The following ABCG8 variants were observed in gnomAD, a reference collection of about 807,000 sequenced individuals.
ABCG8 encodes the protein ATP binding cassette subfamily G member 8.
ABCG8 carries 81 observed loss-of-function variants against 71.3 expected under a neutral mutation model. The ratio of observed to expected loss-of-function variants is 1.14; its 90% CI spans 0.95 to 1.37. The LOEUF is 1.37. Among genes scored for constraint, ABCG8 ranks in the 40% most tolerant of loss-of-function variants. The pLI is 0.00. For synonymous variants in ABCG8, 451 were observed against 354.7 expected, an observed-to-expected ratio of 1.27 and a Z score of -3.05; for missense variants, 1,119 against 866.2, an observed-to-expected ratio of 1.29 and a Z score of -3.66.
chr2:43,865,767 A>G (rs1220382055), intron 6 of ABCG8, among the ~76,000 whole-genome samples: 3 of 151,948 alleles, frequency 2.0e-5, no homozygotes, highest in Admixed American at 6.6e-5. Context: ...AAGTCTCACT[A>G]TCAGTCTGGA....
At position 43,862,338 on chromosome 2, in the gene ABCG8, A is replaced by C. The variant is rs752686216; in HGVS notation, c.964+9470A>C. On this transcript the variant is annotated intron_variant, in intron 6 of 12. Transcript: ENST00000272286. ...TATCTATCTGGATAGAATTCTCACAATCTGGATAGAAGTCTTACTGTGTAT... is the reference window on the plus strand; with the variant it reads ...TATCTATCTGGATAGAATTCTCACACTCTGGATAGAAGTCTTACTGTGTAT... 4.1e-3 allele frequency among the ~76,000 whole-genome samples: 565 copies of C among 137,330 alleles called. 2 individuals are homozygous for C. Among genetic ancestry groups the C allele is most frequent in the South Asian group, 0.012 (48 of 4,092 alleles). 90.1% of individuals were successfully genotyped at this position (137,330 alleles called of 152,430 possible).
intron 11 of ABCG8, among the ~76,000 whole-genome samples, chr2:43,876,382 AAGAG>A (rs756671972): frequency 2.6e-5 from 4 of 152,140 alleles, no homozygotes; most frequent in Non-Finnish European, 5.9e-5. Context: ...TTGTGCAGGT[AAGAG>A]AGACTGTGTG....
chr2:43,857,776 C>G (rs1212541350), intron 6 of ABCG8, among the ~76,000 whole-genome samples: 15 of 151,322 alleles, frequency 9.9e-5, no homozygotes, highest in Admixed American at 8.5e-4. Flanking sequence ...AACTATCTAT[C>G]TGGATATAAT....
chr2:43,853,750 G>A (rs528795460), intron 6 of ABCG8, among the ~76,000 whole-genome samples: 1 of 152,330 alleles, frequency 6.6e-6, no homozygotes, highest in Admixed American at 6.5e-5. Context: ...CCTGGAGCTT[G>A]CAGAGCTAAA....
Position 43,839,000 on chromosome 2 carries a change from G to A in ABCG8, c.-54G>A. The A allele has an allele frequency of 2.6e-6, 4 of 1,528,078 alleles. 1 individual carries two copies. The South Asian group carries it at 3.6e-5, about 14-fold the overall frequency. The allele number at this position is 1,528,078 out of a possible 1,614,324, so 94.7% of individuals were successfully genotyped here. A position where few individuals can be genotyped will look rare whatever the true frequency, so the allele number is the denominator to read the frequency against. On this transcript the variant is annotated 5_prime_UTR_variant, in exon 1 of 13. Transcript: ENST00000272286. This position sits in a 1 kb window ranked among gnomAD's most constrained non-coding sequence, Gnocchi z 4.2. ...AGAGTGAAGACACTGGCCCTGGCAG[G>A]CAGCAGCTGGGTCTAAGAGAGCTGC...
At chr2:43,868,013 C>T (rs1229920020) in intron 6 of ABCG8, among the ~76,000 whole-genome samples, 1 of 152,100 alleles carries the variant, frequency 6.6e-6, no homozygotes, top group African/African-American at 2.4e-5. Flanking sequence ...ATAGAACTCT[C>T]ACTATCAATC....
chr2:43,843,619 AC>A (rs1461168947), intron 1 of ABCG8, among the ~76,000 whole-genome samples: 1 of 152,046 alleles, frequency 6.6e-6, no homozygotes, highest in Non-Finnish European at 1.5e-5. Context: ...ATGTCACTGC[AC>A]TCCATCCTGG....
rs201268110 is a variant in ABCG8 at position 43,872,316 on chromosome 2, T to G, written c.1211+10T>G. On this transcript the variant is annotated intron_variant, in intron 8 of 12. Coordinates refer to ENST00000272286, the MANE Select transcript of ABCG8 (RefSeq NM_022437.3). ...TTACGACGCTGATCCGGTAATTATCTGTCATTTTATTACTGAACCCGCCCC... is the reference window on the plus strand; with the variant it reads ...TTACGACGCTGATCCGGTAATTATCGGTCATTTTATTACTGAACCCGCCCC... 6.2e-7 allele frequency: 1 copy of G among 1,612,520 alleles called. No homozygotes were observed. The highest frequency in any genetic ancestry group is 8.5e-7 in the Non-Finnish European group (1 of 1,179,396).
Position 43,846,286 on chromosome 2 carries a change from G to T in ABCG8, c.297G>T (p.Gln99His), listed in dbSNP as rs1468513643. Residue 99 changes from glutamine (Q) to histidine (H), a missense_variant, in exon 3 of 13, where the codon CAG becomes CAT. Gln to His is a conservative substitution (Grantham distance 24, BLOSUM62 0). Coordinates refer to ENST00000272286, the MANE Select transcript of ABCG8 (RefSeq NM_022437.3). ...TAAGCTTCAAAGTGAGAAGTGGGCA[G>T]ATGCTGGCCATCATAGGGAGCTCAG... ...QNLSFKVRSG[Q>H]MLAIIGSSGC... 3 of 1,614,236 alleles carry T rather than the reference G, an allele frequency of 1.9e-6. No homozygotes were observed. In the East Asian group the frequency reaches 6.7e-5, roughly 36 times the overall value.
At chr2:43,867,624 T>C (rs1669577292) in intron 6 of ABCG8, among the ~76,000 whole-genome samples, 1 of 152,106 alleles carries the variant, frequency 6.6e-6, no homozygotes, top group Non-Finnish European at 1.5e-5. Context: ...AATCTCTGCA[T>C]AGAACTCTCA....
In ABCG8 at chr2:43,881,389, C is replaced by T. The variant is rs931732443; in HGVS notation, c.*3476C>T. ...GGTCTGTTTTGTTTAAAATGCTCTT[C>T]AAGGCATTGTGAGGCCAGGAAAACA... On this transcript the variant is annotated 3_prime_UTR_variant, in exon 13 of 13. Coordinates refer to ENST00000272286, the MANE Select transcript of ABCG8 (RefSeq NM_022437.3). The T allele has an allele frequency of 6.6e-6, 1 of 152,202 alleles. No individual in the cohort carries two copies. Among genetic ancestry groups the T allele is most frequent in the African/African-American group, 2.4e-5 (1 of 41,438 alleles). 9.4% of individuals were successfully genotyped at this position (152,202 alleles called of 1,614,324 possible).
chr2:43,869,857 C>T (rs1418643226), intron 6 of ABCG8, among the ~76,000 whole-genome samples: 2 of 152,072 alleles, frequency 1.3e-5, no homozygotes, highest in Non-Finnish European at 2.9e-5. Context: ...ATGGAACTCT[C>T]ACTATCTATG....
chr2:43,844,894 T>G (rs1668695429), intron 2 of ABCG8, among the ~76,000 whole-genome samples: 1 of 152,158 alleles, frequency 6.6e-6, no homozygotes, highest in Admixed American at 6.5e-5. Context: ...TAAACTATAT[T>G]TTGAAATAAC....
chr2:43,856,568 C>G (rs146668138), intron 6 of ABCG8, among the ~76,000 whole-genome samples: 1 of 151,890 alleles, frequency 6.6e-6, no homozygotes, highest in Non-Finnish European at 1.5e-5. Flanking sequence ...AGAACTCTCC[C>G]CATGTAGATA....
chr2:43,876,846 GATC>G (rs1449903250), intron 11 of ABCG8, among the ~76,000 whole-genome samples: 1 of 146,670 alleles, frequency 6.8e-6, no homozygotes, highest in Non-Finnish European at 1.5e-5. Flanking sequence ...ATATAAAGGA[GATC>G]GTCGGAATAT....
chr2:43,873,929 T>C lies in ABCG8; in HGVS notation c.1354T>C (p.Leu452=). Residue 452 remains leucine, a synonymous_variant, in exon 9 of 13, where the codon TTG becomes CTG. Coordinates refer to ENST00000272286, the MANE Select transcript of ABCG8 (RefSeq NM_022437.3). ...CTCCTTCATGGATACAGCCGCCCTC[T>C]TGTTCATGATCGGTGCTCTCATCCC... ...QLSFMDTAAL[L]FMIGALIPFN... The C allele has an allele frequency of 6.2e-7, 1 of 1,614,156 alleles. No homozygotes were observed. Among genetic ancestry groups the C allele is most frequent in the South Asian group, 1.1e-5 (1 of 91,076 alleles).
chr2:43,847,022 A>ACC, intron 3 of ABCG8: 1 of 150,830 alleles, frequency 6.6e-6, no homozygotes, highest in East Asian at 2.0e-4. Context: ...ACACACACAC[A>ACC]CACTCCCCTC....
At chr2:43,852,976 T>TTCAGGAGAGGAGGAGCAATGA (rs1447443797) in intron 6 of ABCG8, 108 bp downstream of exon 6, 1 of 1,335,418 alleles carries the variant, frequency 7.5e-7, no homozygotes, top group Non-Finnish European at 1.0e-6. Flanking sequence ...TCCCAGAGGT[T>TTCAGGAGAGGAGGAGCAATGA]TCAGGAGAGG....
chr2:43,843,199 G>T (rs533167534), intron 1 of ABCG8, among the ~76,000 whole-genome samples: 3 of 151,662 alleles, frequency 2.0e-5, no homozygotes, highest in African/African-American at 7.3e-5. Context: ...GCTTTTCAAC[G>T]GCCTTTTCAT....
Sources: gnomAD v4.1 joint callset for allele counts (sites outside exome capture counted in the v4.1 genomes callset) on GRCh38, gnomAD v4.1.1 for gene constraint, Gnocchi (gnomAD v3.1) non-coding constraint, MANE v1.5 for transcripts, NCBI Gene and HGNC (gene_info 2026-07-23, HGNC 2026-07-21) for gene names.